DDHD1: variants seen among roughly 807,000 people sequenced by gnomAD.
The protein encoded by DDHD1 is DDHD domain containing 1.
Under a neutral mutation model 96.4 loss-of-function variants are expected in DDHD1, and 49 were observed. The ratio of observed to expected loss-of-function variants is 0.51; its 90% CI spans 0.40 to 0.64. The LOEUF (loss-of-function observed/expected upper bound fraction) is 0.64, where lower values mean the gene tolerates loss of function less well. Among genes scored for constraint, DDHD1 ranks in the 30% least tolerant of loss-of-function variants. The pLI is 0.00. For synonymous variants in DDHD1, 442 were observed against 446.5 expected (o/e 0.99, Z 0.13); for missense variants, 1,106 against 1,161.2 (o/e 0.95, Z 0.69).
intron 6 of DDHD1, among the ~76,000 whole-genome samples, chr14:53,071,426 T>C (rs973772277): frequency 6.6e-6 from 1 of 152,136 alleles, no homozygotes; most frequent in African/African-American, 2.4e-5. Flanking sequence ...TTCATAAATG[T>C]GGCCCTATGT....
intron 1 of DDHD1, among the ~76,000 whole-genome samples, chr14:53,135,204 A>G (rs953293579): frequency 6.6e-6 from 1 of 152,204 alleles, no homozygotes; most frequent in Non-Finnish European, 1.5e-5. Flanking sequence ...AAGCAACTGA[A>G]GAACCACAAA....
intron 4 of DDHD1, among the ~76,000 whole-genome samples, chr14:53,082,432 TC>T (rs1279162032): frequency 3.4e-5 from 5 of 146,678 alleles, no homozygotes; most frequent in Non-Finnish European, 1.5e-5. Flanking sequence ...AACAGTGATC[TC>T]CAAGATACCT....
At position 53,061,760 on chromosome 14, in the gene DDHD1, G is replaced by A. The variant is rs543388998; in HGVS notation, c.1767-559C>T. On this transcript the variant is annotated intron_variant, in intron 7 of 12. Coordinates refer to ENST00000673822, the MANE Select transcript of DDHD1 (RefSeq NM_001160148.2). The stretch of plus-strand genomic sequence containing the variant: ...TTTTAAAAGCTATAGTTGGCCAGGC[G>A]CAGTAGCTTATGTCTGGAATCCCAG... 8.5e-5 allele frequency among the ~76,000 whole-genome samples: 13 copies of A among 152,060 alleles called. No homozygotes were observed. The South Asian group carries it at 1.0e-3, about 12-fold the overall frequency.
At chr14:53,047,736 C>T (rs1264739145) in intron 12 of DDHD1, among the ~76,000 whole-genome samples, 1 of 152,146 alleles carries the variant, frequency 6.6e-6, no homozygotes, top group Admixed American at 6.5e-5. Flanking sequence ...CTTGCGATTA[C>T]CTGTTAGAGA....
intron 5 of DDHD1, 42 bp downstream of exon 5, chr14:53,073,699 G>T: frequency 6.6e-7 from 1 of 1,520,746 alleles, no homozygotes; most frequent in Non-Finnish European, 8.9e-7. Context: ...TTTGGTAAAA[G>T]TTTGCCATTG....
At position 53,080,024 on chromosome 14, in the gene DDHD1, T is replaced by C. The variant is rs114995208; in HGVS notation, c.1290-6177A>G. On this transcript the variant is annotated intron_variant, in intron 4 of 12. Transcript: ENST00000673822. ...CTACAGCCTGGCCAAAAAAAGCATG[T>C]TGTCAAATTTTGAACTTTTGCTATT... 9.4e-3 allele frequency among the ~76,000 whole-genome samples: 1,428 copies of C among 152,334 alleles called. 27 individuals carry two copies. Among genetic ancestry groups the C allele is most frequent in the African/African-American group, 0.032 (1,344 of 41,572 alleles).
chr14:53,053,406 C>T (rs1028832710), intron 11 of DDHD1: 1 of 151,988 alleles, frequency 6.6e-6, no homozygotes, highest in Admixed American at 6.6e-5. Flanking sequence ...CAGAGTCTGG[C>T]ACAGATATAA....
chr14:53,085,939 T>C (rs563193450), intron 4 of DDHD1, among the ~76,000 whole-genome samples: 1 of 152,120 alleles, frequency 6.6e-6, no homozygotes, highest in South Asian at 2.1e-4. Flanking sequence ...GAATAAACAG[T>C]GTAGAGAAGA....
At chr14:53,064,714 T>C (rs957512262) in intron 6 of DDHD1, among the ~76,000 whole-genome samples, 2 of 152,150 alleles carry the variant, frequency 1.3e-5, no homozygotes, top group Non-Finnish European at 2.9e-5. Flanking sequence ...TTGTATTTCC[T>C]TATTAGAGCA....
At position 53,055,900 on chromosome 14, in the gene DDHD1, C is replaced by G. The variant is rs1381749611; in HGVS notation, c.2005G>C (p.Glu669Gln). The G allele has an allele frequency of 1.2e-6, 2 of 1,611,552 alleles. No individual in the cohort carries two copies. The highest frequency in any genetic ancestry group is 1.7e-6 in the Non-Finnish European group (2 of 1,178,580). The change falls in exon 10 of 13, where the codon GAA (glutamate) becomes CAA (glutamine). Residue 669 changes from glutamate (E) to glutamine (Q), a missense_variant. Glu to Gln is a conservative substitution (Grantham distance 29). Transcript: ENST00000673822. Reference sequence around the variant, plus strand: ...CTGTAGTGTTTCAGTATTAATGGTTCTAATCTATAAGCCTTGATTTAAAAA... The same window carrying G: ...CTGTAGTGTTTCAGTATTAATGGTTGTAATCTATAAGCCTTGATTTAAAAA... ...HPTDPVAYRL[E>Q]PLILKHYSNI...
chr14:53,047,752 C>A (rs1882148800), intron 12 of DDHD1, among the ~76,000 whole-genome samples: 1 of 152,164 alleles, frequency 6.6e-6, no homozygotes, highest in East Asian at 1.9e-4. Context: ...AGAGAAAAAT[C>A]ACCTTAACAA....
chr14:53,146,601 T>A (rs1891001183), intron 1 of DDHD1, among the ~76,000 whole-genome samples: 1 of 152,210 alleles, frequency 6.6e-6, no homozygotes, highest in Non-Finnish European at 1.5e-5. Flanking sequence ...ATCATATCAA[T>A]TTTGCTACTG....
At chr14:53,105,479 T>A (rs1887617972) in intron 1 of DDHD1, among the ~76,000 whole-genome samples, 1 of 152,204 alleles carries the variant, frequency 6.6e-6, no homozygotes, top group African/African-American at 2.4e-5. Flanking sequence ...CTGTGTCATT[T>A]GGTACCTAGA....
chr14:53,045,156 A>C lies in DDHD1; in HGVS notation c.*1612T>G. 6.6e-6 allele frequency: 1 copy of C among 152,222 alleles called. No individual in the cohort carries two copies. Among genetic ancestry groups the C allele is most frequent in the Non-Finnish European group, 1.5e-5 (1 of 68,036 alleles). 9.4% of individuals were successfully genotyped at this position (152,222 alleles called of 1,614,324 possible). ...TTATTATTGTTTGCAAACTACTAAAAGGTCACATGTGAATCAAGTCATTGA... is the reference window on the plus strand; with the variant it reads ...TTATTATTGTTTGCAAACTACTAAACGGTCACATGTGAATCAAGTCATTGA... On this transcript the variant is annotated 3_prime_UTR_variant, in exon 13 of 13. Coordinates refer to ENST00000673822, the MANE Select transcript of DDHD1 (RefSeq NM_001160148.2).
Position 53,120,786 on chromosome 14 carries a change from C to T in DDHD1, c.839-16930G>A, listed in dbSNP as rs113453493. 3.3e-3 allele frequency among the ~76,000 whole-genome samples: 504 copies of T among 152,214 alleles called. 4 individuals carry two copies. The highest frequency in any genetic ancestry group is 0.011 in the African/African-American group (461 of 41,528). ...CTAGACCCTTTCCTTACATCTTATACAAAAATCAACTCAAAAATGGAGTAA... is the reference window on the plus strand; with the variant it reads ...CTAGACCCTTTCCTTACATCTTATATAAAAATCAACTCAAAAATGGAGTAA... On this transcript the variant is annotated intron_variant, in intron 1 of 12. Coordinates refer to ENST00000673822, the MANE Select transcript of DDHD1 (RefSeq NM_001160148.2).
chr14:53,111,776 A>G (rs1888127580), intron 1 of DDHD1, among the ~76,000 whole-genome samples: 1 of 152,202 alleles, frequency 6.6e-6, no homozygotes, highest in Non-Finnish European at 1.5e-5. Context: ...ATTCAGGTAC[A>G]ATTTCTTTGC....
chr14:53,142,490 G>C (rs1208564023), intron 1 of DDHD1, among the ~76,000 whole-genome samples: 1 of 150,692 alleles, frequency 6.6e-6, no homozygotes, highest in African/African-American at 2.4e-5. Flanking sequence ...GAACATTACT[G>C]GCTTTGCCTT....
In DDHD1 at chr14:53,058,504, T is replaced by C. The variant is rs530290204; in HGVS notation, c.1965A>G (p.Leu655=). Residue 655 remains leucine, a synonymous_variant, in exon 9 of 13, where the codon CTA becomes CTG. Transcript: ENST00000673822. ...CTGGATCTGTAGGATGAAAAATATT[T>C]AGTAACCGGTTACAAATCTCTCTAG... The part of the protein sequence containing the change: ...ILPREICNRL[L]NIFHPTDPVA... The C allele has an allele frequency of 1.9e-6, 3 of 1,612,770 alleles. No individual in the cohort carries two copies. The African/African-American group carries it at 4.0e-5, about 22-fold the overall frequency.
At chr14:53,151,017 G>T (rs529699040) in intron 1 of DDHD1, among the ~76,000 whole-genome samples, 1 of 152,256 alleles carries the variant, frequency 6.6e-6, no homozygotes, top group Admixed American at 6.5e-5. Flanking sequence ...TTGGTGATTT[G>T]ACACATGTTG....
Sources: allele counts gnomAD v4.1 joint callset (sites outside exome capture counted in the v4.1 genomes callset), GRCh38; gene constraint gnomAD v4.1.1; transcripts MANE v1.5; gene names NCBI Gene and HGNC (gene_info 2026-07-23, HGNC 2026-07-21).